Variants in SRR observed in about 807,000 individuals in gnomAD.
SRR encodes the protein serine racemase.
In SRR, 19 loss-of-function variants were observed where a neutral mutation model predicts 32.7. The ratio of observed to expected loss-of-function variants is 0.58; its 90% confidence interval spans 0.40 to 0.85. The LOEUF (loss-of-function observed/expected upper bound fraction) is 0.85. Among genes scored for constraint, SRR ranks in the 40% least tolerant of loss-of-function variants. SRR has a pLI of 0.00. For synonymous variants in SRR, 142 were observed against 140.9 expected (o/e 1.01, Z -0.06); for missense variants, 373 against 404.7 (o/e 0.92, Z 0.67).
At chr17:2,320,475 C>T (rs1439628668) in intron 4 of SRR, among the ~76,000 whole-genome samples, 1 of 150,366 alleles carries the variant, frequency 6.7e-6, no homozygotes, top group African/African-American at 2.5e-5. Flanking sequence ...AGGCTGGTCT[C>T]GAACTCCTGA....
At chr17:2,319,850 GCT>G (rs2075510346) in intron 4 of SRR, among the ~76,000 whole-genome samples, 1 of 126,238 alleles carries the variant, frequency 7.9e-6, no homozygotes, top group African/African-American at 3.0e-5. Context: ...GCGGAGTCTT[GCT>G]CTGTCGCCCA....
At chr17:2,319,065 T>G in intron 4 of SRR, 136 bp downstream of exon 4, 1 of 557,196 alleles carries the variant, frequency 1.8e-6, no homozygotes, top group Non-Finnish European at 3.2e-6. Flanking sequence ...ACCTTTTCTC[T>G]ATCTACACTC....
rs2075556935 is a variant in SRR, at chr17:2,323,962, T to C, written c.*89T>C. ...GTATTGTCAACTCTTAGTTATCAGA[T>C]TCTTAATGGAGAGTGGCTATTTCAT... On this transcript the variant is annotated 3_prime_UTR_variant, in exon 8 of 8. Transcript: ENST00000344595. 1.6e-6 allele frequency: 2 copies of C among 1,277,372 alleles called. No individual in the cohort carries two copies. The highest frequency in any genetic ancestry group is 1.4e-5 in the South Asian group (1 of 71,930). 79.1% of individuals were successfully genotyped at this position (1,277,372 alleles called of 1,614,324 possible).
chr17:2,308,196 G>GA (rs2075407321), intron 1 of SRR, among the ~76,000 whole-genome samples: 1 of 151,896 alleles, frequency 6.6e-6, no homozygotes, highest in South Asian at 2.1e-4. Flanking sequence ...CTTCTCAGAG[G>GA]AAAAATCCTA....
Position 2,324,169 on chromosome 17 carries a change from CG to C in SRR, c.*298del. On this transcript the variant is annotated 3_prime_UTR_variant, in exon 8 of 8. Coordinates refer to ENST00000344595, the MANE Select transcript of SRR (RefSeq NM_021947.3). ...CCATCCCTGGAGTACTGACTGGCACCGGTAAGACAGAATCTCTTTGAATCCA... is the reference window on the plus strand; with the variant it reads ...CCATCCCTGGAGTACTGACTGGCACCGTAAGACAGAATCTCTTTGAATCCA... 2.6e-6 allele frequency: 4 copies of C among 1,512,150 alleles called. No individual in the cohort carries two copies. Among genetic ancestry groups the C allele is most frequent in the Non-Finnish European group, 3.5e-6 (4 of 1,135,108 alleles). The allele number at this position is 1,512,150 out of a possible 1,614,324, so 93.7% of individuals were successfully genotyped here. A position where few individuals can be genotyped will look rare whatever the true frequency, so the allele number is the denominator to read the frequency against.
chr17:2,324,450 A>C lies in SRR; in HGVS notation c.*577A>C. On this transcript the variant is annotated 3_prime_UTR_variant, in exon 8 of 8. Coordinates refer to ENST00000344595, the MANE Select transcript of SRR (RefSeq NM_021947.3). ...AGCAATGACTTCCAACCCAACAGTC[A>C]TTTAGCAACACTGCAGAAATGCAGA... The C allele has an allele frequency of 4.3e-6, 7 of 1,612,922 alleles. No individual in the cohort carries two copies. Among genetic ancestry groups the C allele is most frequent in the Non-Finnish European group, 5.1e-6 (6 of 1,179,556 alleles).
intron 6 of SRR, 173 bp from the exon 7 acceptor site, chr17:2,322,963 C>T (rs964042700): frequency 1.6e-6 from 1 of 608,518 alleles, no homozygotes; most frequent in African/African-American, 1.9e-5. Context: ...CTGCATTTCA[C>T]CAGGTTGGCC....
In SRR at chr17:2,323,268, A is replaced by C; in HGVS notation, c.727A>C (p.Ser243Arg). Residue 243 changes from serine (S) to arginine (R), a missense_variant, in exon 7 of 8, where the codon AGC becomes CGC. Ser to Arg is a moderately radical substitution (Grantham distance 110). Transcript: ENST00000344595. The stretch of plus-strand genomic sequence containing the variant: ...AACCATAGCAGATGGTGTCAAATCC[A>C]GCATTGGCTTGAACACCTGGCCTAT... ...PETIADGVKS[S>R]IGLNTWPIIR... 1 of 1,614,210 alleles carries C rather than the reference A, an allele frequency of 6.2e-7. No individual in the cohort carries two copies. Among genetic ancestry groups the C allele is most frequent in the Non-Finnish European group, 8.5e-7 (1 of 1,180,018 alleles).
At chr17:2,313,408 G>A (rs1286164932) in intron 1 of SRR, among the ~76,000 whole-genome samples, 10 of 142,912 alleles carry the variant, frequency 7.0e-5, no homozygotes, top group South Asian at 2.2e-4. Flanking sequence ...CCAGCCTGGC[G>A]GCAGAGCAAG....
intron 1 of SRR, among the ~76,000 whole-genome samples, chr17:2,305,701 G>T (rs200666416): frequency 9.6e-5 from 14 of 145,520 alleles, no homozygotes; most frequent in Non-Finnish European, 7.8e-5. Flanking sequence ...GAGATTTTTT[G>T]TTTTTCGTTT....
chr17:2,324,073 T>C lies in SRR; in HGVS notation c.*200T>C, dbSNP rs573098117. On this transcript the variant is annotated 3_prime_UTR_variant, in exon 8 of 8. Coordinates refer to ENST00000344595, the MANE Select transcript of SRR (RefSeq NM_021947.3). ...ATTTTGTCAAGGCTAAAAAAAAGTC[T>C]TGCAAAATGGGGCAGTGGACTGACA... 15 of 1,380,492 alleles carry C rather than the reference T, an allele frequency of 1.1e-5. No homozygotes were observed. Among genetic ancestry groups the C allele is most frequent in the Non-Finnish European group, 1.5e-5 (15 of 1,021,354 alleles). 85.5% of individuals were successfully genotyped at this position (1,380,492 alleles called of 1,614,324 possible). A position where few individuals can be genotyped will look rare whatever the true frequency, so the allele number is the denominator to read the frequency against.
intron 1 of SRR, 37 bp from the exon 2 acceptor site, chr17:2,315,520 A>G: frequency 6.3e-7 from 1 of 1,592,124 alleles, no homozygotes; most frequent in Non-Finnish European, 8.5e-7. Flanking sequence ...ACTGTCTCAG[A>G]CTTTGCTTTG....
intron 1 of SRR, among the ~76,000 whole-genome samples, chr17:2,314,358 C>T (rs2075454932): frequency 6.6e-6 from 1 of 151,936 alleles, no homozygotes; most frequent in Admixed American, 6.6e-5. Flanking sequence ...CCGAGGCAGG[C>T]GGATCACGAG....
chr17:2,310,563 G>A (rs572521508), intron 1 of SRR, among the ~76,000 whole-genome samples: 1 of 151,630 alleles, frequency 6.6e-6, no homozygotes, highest in Non-Finnish European at 1.5e-5. Context: ...GCCTGGCATG[G>A]TTTTTTGGGA....
chr17:2,303,816 C>A (rs573678388), upstream of SRR: 44 of 1,013,288 alleles, frequency 4.3e-5, no homozygotes, highest in East Asian at 1.3e-3. Context: ...CGCCCACCTC[C>A]CGGCCTTTCC....
In SRR at chr17:2,323,163, G is replaced by T. The variant is rs757541456; in HGVS notation, c.622G>T (p.Ala208Ser). 6.2e-7 allele frequency: 1 copy of T among 1,614,210 alleles called. No homozygotes were observed. Among genetic ancestry groups the T allele is most frequent in the South Asian group, 1.1e-5 (1 of 91,082 alleles). The change falls in exon 7 of 8, where the codon GCT becomes TCT. Residue 208 changes from alanine (A) to serine (S), a missense_variant. Physicochemically the swap from Ala to Ser is moderately conservative, Grantham distance 99. Transcript: ENST00000344595. ...KALKPSVKVY[A>S]AEPSNADDCY... is the part of the protein sequence containing the mutation. ...TCTGAAACCTAGTGTGAAGGTATAT[G>T]CTGCTGAACCCTCAAATGCAGATGA...
intron 6 of SRR, among the ~76,000 whole-genome samples, chr17:2,322,123 G>A (rs928575614): frequency 1.3e-5 from 2 of 152,082 alleles, no homozygotes; most frequent in African/African-American, 2.4e-5. Flanking sequence ...AAGAGATGGG[G>A]TCTTGCTGTG....
Position 2,325,064 on chromosome 17 carries a change from G to A in SRR, c.*1191G>A, listed in dbSNP as rs2075567710. The A allele has an allele frequency of 1.7e-6, 1 of 600,278 alleles. No homozygotes were observed. The highest frequency in any genetic ancestry group is 2.8e-6 in the Non-Finnish European group (1 of 352,638). The allele number at this position is 600,278 out of a possible 1,614,324, so 37.2% of individuals were successfully genotyped here. A position where few individuals can be genotyped will look rare whatever the true frequency, so the allele number is the denominator to read the frequency against. ...AAAACCATACTTTTTCTCATCAGTT[G>A]TTACAAGGAAAGGATGTTGAACAAA... On this transcript the variant is annotated 3_prime_UTR_variant, in exon 8 of 8. Coordinates refer to ENST00000344595, the MANE Select transcript of SRR (RefSeq NM_021947.3).
chr17:2,323,008 A>C (rs2075546095), intron 6 of SRR, 128 bp from the exon 7 acceptor site: 6 of 909,232 alleles, frequency 6.6e-6, no homozygotes, highest in Non-Finnish European at 8.4e-6. Flanking sequence ...CAGCTGATCC[A>C]CCCGCCTCGG....
Sources: allele counts gnomAD v4.1 joint callset (sites outside exome capture counted in the v4.1 genomes callset), GRCh38; gene constraint gnomAD v4.1.1; transcripts MANE v1.5; gene names NCBI Gene and HGNC (gene_info 2026-07-23, HGNC 2026-07-21).